The following CAAP1 variants were observed in gnomAD, a reference collection of about 807,000 sequenced individuals.
CAAP1 encodes caspase activity and apoptosis inhibitor 1.
In CAAP1, 20 loss-of-function variants were observed where a neutral mutation model predicts 34.0. The observed-to-expected ratio is 0.59, with a 90% CI of 0.41 to 0.86. The LOEUF (loss-of-function observed/expected upper bound fraction) is 0.86, where lower values mean the gene tolerates loss of function less well. Among genes scored for constraint, CAAP1 ranks in the 40% least tolerant of loss-of-function variants. The pLI is 0.00. For synonymous variants in CAAP1, 213 were observed against 166.7 expected (o/e 1.28, Z -2.14); for missense variants, 538 against 450.5 (o/e 1.19, Z -1.76).
intron 4 of CAAP1, among the ~76,000 whole-genome samples, chr9:26,879,046 C>T (rs1447144174): frequency 6.6e-6 from 1 of 152,110 alleles, no homozygotes; most frequent in Non-Finnish European, 1.5e-5. Context: ...TGAATCTCTT[C>T]CTCTGACTTT....
At chr9:26,845,494 G>C (rs1014339237) in intron 5 of CAAP1, among the ~76,000 whole-genome samples, 13 of 152,296 alleles carry the variant, frequency 8.5e-5, no homozygotes, top group Non-Finnish European at 1.5e-4. Flanking sequence ...TCCTGCGTCA[G>C]CCTTCTGAGT....
At chr9:26,864,756 C>A (rs987857334) in intron 4 of CAAP1, among the ~76,000 whole-genome samples, 1 of 152,156 alleles carries the variant, frequency 6.6e-6, no homozygotes, top group Non-Finnish European at 1.5e-5. Flanking sequence ...TTTCCAACTT[C>A]AAAAATCAGC....
intron 5 of CAAP1, among the ~76,000 whole-genome samples, chr9:26,847,390 A>G (rs970583224): frequency 6.6e-6 from 1 of 150,728 alleles, no homozygotes; most frequent in African/African-American, 2.4e-5. Flanking sequence ...AATTTTTTGT[A>G]CTTTTGGTAG....
chr9:26,863,212 A>G (rs1002736402), intron 4 of CAAP1, among the ~76,000 whole-genome samples: 5 of 152,124 alleles, frequency 3.3e-5, no homozygotes, highest in South Asian at 2.1e-4. Context: ...ACAACATTCT[A>G]TTTTAAGTTG....
chr9:26,847,923 G>A (rs1822657004), intron 5 of CAAP1, among the ~76,000 whole-genome samples: 1 of 151,800 alleles, frequency 6.6e-6, no homozygotes, highest in Non-Finnish European at 1.5e-5. Flanking sequence ...GGTAGGGAGG[G>A]GAAGTAGATA....
intron 4 of CAAP1, among the ~76,000 whole-genome samples, chr9:26,881,513 G>A (rs1823592621): frequency 6.6e-6 from 1 of 152,144 alleles, no homozygotes; most frequent in Non-Finnish European, 1.5e-5. Context: ...CCTTTTGCTT[G>A]GTTCCCTCAT....
intron 4 of CAAP1, among the ~76,000 whole-genome samples, chr9:26,877,187 C>T (rs539925559): frequency 1.3e-5 from 2 of 152,168 alleles, no homozygotes; most frequent in East Asian, 1.9e-4. Flanking sequence ...AAATTACCTT[C>T]GGACTACATG....
At chr9:26,864,061 GCT>G (rs1233455332) in intron 4 of CAAP1, among the ~76,000 whole-genome samples, 1 of 151,972 alleles carries the variant, frequency 6.6e-6, no homozygotes, top group Non-Finnish European at 1.5e-5. Context: ...ACCTCACCCA[GCT>G]CTGTTTTTAT....
At chr9:26,857,525 G>C (rs552763823) in intron 5 of CAAP1, among the ~76,000 whole-genome samples, 2 of 152,088 alleles carry the variant, frequency 1.3e-5, no homozygotes, top group African/African-American at 2.4e-5. Context: ...CCAGCTACTC[G>C]GCAGGCTGAG....
intron 3 of CAAP1, among the ~76,000 whole-genome samples, chr9:26,885,633 G>T (rs1823720370): frequency 6.6e-6 from 1 of 152,054 alleles, no homozygotes; most frequent in Non-Finnish European, 1.5e-5. Flanking sequence ...CTAGAGGTGT[G>T]AGTATCACCA....
In CAAP1 at chr9:26,842,397, T is replaced by C. The variant is rs1424044459; in HGVS notation, c.990A>G (p.Gln330=). The change falls in exon 6 of 6, where the codon CAA becomes CAG. Residue 330 remains glutamine, a synonymous_variant. Coordinates refer to ENST00000333916, the MANE Select transcript of CAAP1 (RefSeq NM_024828.4). The stretch of plus-strand genomic sequence containing the variant: ...GCAGCTCCAGTTGCTGTGCAGAAGG[T>C]TGAACATCTTCTGGTGGAGGAACAG... ...TLAVPPPEDV[Q]PSAQQLELLE... 1.9e-6 allele frequency: 3 copies of C among 1,614,192 alleles called. No individual in the cohort carries two copies. The highest frequency in any genetic ancestry group is 2.5e-6 in the Non-Finnish European group (3 of 1,180,030).
At chr9:26,870,534 G>A (rs138331940) in intron 4 of CAAP1, among the ~76,000 whole-genome samples, 14 of 143,760 alleles carry the variant, frequency 9.7e-5, no homozygotes, top group African/African-American at 3.0e-4. Context: ...TCAGGGGTGT[G>A]TATATAGACA....
intron 5 of CAAP1, among the ~76,000 whole-genome samples, chr9:26,851,341 G>T (rs774173590): frequency 1.3e-5 from 2 of 152,162 alleles, no homozygotes; most frequent in Non-Finnish European, 2.9e-5. Context: ...GAAACTGCAA[G>T]TGTGAGGGAC....
rs1282361189 is a variant in CAAP1, at chr9:26,840,858, A to G, written c.*1443T>C. The G allele has an allele frequency of 2.0e-5, 3 of 152,254 alleles. No homozygotes were observed. The highest frequency in any genetic ancestry group is 3.8e-4 in the East Asian group (2 of 5,206). The allele number at this position is 152,254 out of a possible 1,614,324, so 9.4% of individuals were successfully genotyped here. On this transcript the variant is annotated 3_prime_UTR_variant, in exon 6 of 6. Transcript: ENST00000333916. ...ACTTTTAAGTTGAAATAGAAAAATT[A>G]TATCACTGTCTTTTCATCTTGAAGC...
chr9:26,856,688 T>C (rs796624251), intron 5 of CAAP1, among the ~76,000 whole-genome samples: 3 of 152,322 alleles, frequency 2.0e-5, no homozygotes, highest in African/African-American at 7.2e-5. Flanking sequence ...CCAAAAAATT[T>C]TGTCTAATGA....
intron 1 of CAAP1, among the ~76,000 whole-genome samples, chr9:26,888,609 G>A (rs899287083): frequency 6.6e-6 from 1 of 152,194 alleles, no homozygotes; most frequent in African/African-American, 2.4e-5. Flanking sequence ...TGTTCTAACA[G>A]TTTACAATGT....
At chr9:26,890,545 G>T (rs1268730170) in intron 1 of CAAP1, among the ~76,000 whole-genome samples, 1 of 151,978 alleles carries the variant, frequency 6.6e-6, no homozygotes, top group Non-Finnish European at 1.5e-5. Flanking sequence ...ACAAATATTT[G>T]AGAAGAAAAT....
chr9:26,873,410 C>T (rs574519987), intron 4 of CAAP1, among the ~76,000 whole-genome samples: 1 of 152,176 alleles, frequency 6.6e-6, no homozygotes, highest in Non-Finnish European at 1.5e-5. Flanking sequence ...AATAAAAGCA[C>T]ATTCATTTAA....
chr9:26,842,944 A>C (rs886841158), intron 5 of CAAP1, among the ~76,000 whole-genome samples: 1 of 152,210 alleles, frequency 6.6e-6, no homozygotes, highest in African/African-American at 2.4e-5. Context: ...AAATGTCATA[A>C]CATTTTTATC....
Sources: allele counts gnomAD v4.1 joint callset (sites outside exome capture counted in the v4.1 genomes callset), GRCh38; gene constraint gnomAD v4.1.1; transcripts MANE v1.5; gene names NCBI Gene and HGNC (gene_info 2026-07-23, HGNC 2026-07-21).